The following KCNQ5 variants were observed in gnomAD, a reference collection of about 807,000 sequenced individuals.
The protein encoded by KCNQ5 is potassium voltage-gated channel subfamily Q member 5.
A neutral mutation model predicts 98.2 loss-of-function variants in KCNQ5; 30 were observed. The observed-to-expected ratio is 0.31, with a 90% CI of 0.23 to 0.41. The LOEUF is 0.41. Ranked by LOEUF, KCNQ5 falls within the 10% of genes least tolerant of loss-of-function variation. KCNQ5 has a pLI of 1.00. For synonymous variants in KCNQ5, 458 were observed against 449.4 expected (o/e 1.02, Z -0.24); for missense variants, 835 against 1,182.5 (o/e 0.71, Z 4.31).
intron 1 of KCNQ5, among the ~76,000 whole-genome samples, chr6:72,898,523 G>A (rs1184292198): frequency 6.6e-6 from 1 of 152,182 alleles, no homozygotes; most frequent in African/African-American, 2.4e-5. Context: ...TTTTATGGCT[G>A]CATAGTATTC....
intron 1 of KCNQ5, among the ~76,000 whole-genome samples, chr6:72,695,892 C>T (rs1038065144): frequency 1.3e-5 from 2 of 151,980 alleles, no homozygotes; most frequent in African/African-American, 4.8e-5. Context: ...AAGTCTCTGT[C>T]TCTAAAAAAT....
chr6:72,800,676 T>G (rs963899510), intron 1 of KCNQ5, among the ~76,000 whole-genome samples: 13 of 152,236 alleles, frequency 8.5e-5, no homozygotes, highest in African/African-American at 3.1e-4. Flanking sequence ...AGCTTTTGAA[T>G]GTGTTTGCTC....
intron 10 of KCNQ5, among the ~76,000 whole-genome samples, chr6:73,166,248 T>C (rs1172895504): frequency 6.6e-6 from 1 of 151,792 alleles, no homozygotes; most frequent in African/African-American, 2.4e-5. Context: ...CTGGCTAACA[T>C]GGTGAAACCC....
chr6:72,835,029 T>C (rs1776439968), intron 1 of KCNQ5, among the ~76,000 whole-genome samples: 1 of 152,160 alleles, frequency 6.6e-6, no homozygotes, highest in Admixed American at 6.5e-5. Context: ...ATTTCAAGTA[T>C]GTGAAACCCC....
intron 1 of KCNQ5, among the ~76,000 whole-genome samples, chr6:72,725,158 G>T (rs973728199): frequency 6.6e-6 from 1 of 152,018 alleles, no homozygotes; most frequent in East Asian, 1.9e-4. Context: ...AGAGAATTTG[G>T]TATCCTTTCA....
chr6:73,067,878 A>G (rs1773123635), intron 3 of KCNQ5, among the ~76,000 whole-genome samples: 1 of 964 alleles, frequency 1.0e-3, no homozygotes, highest in Admixed American at 0.015. Context: ...ATATATATAT[A>G]TATATATATA....
chr6:72,972,650 A>G (rs901950740), intron 1 of KCNQ5, among the ~76,000 whole-genome samples: 15 of 152,054 alleles, frequency 9.9e-5, no homozygotes, highest in Non-Finnish European at 1.5e-5. Context: ...AGCTTCATTC[A>G]TGTCCCTGCA....
intron 1 of KCNQ5, among the ~76,000 whole-genome samples, chr6:72,744,636 C>A (rs1258942702): frequency 6.6e-6 from 1 of 151,984 alleles, no homozygotes; most frequent in East Asian, 1.9e-4. Flanking sequence ...CATGGTGAAA[C>A]CTTGTCTCTA....
At chr6:72,658,977 T>G (rs931848088) in intron 1 of KCNQ5, among the ~76,000 whole-genome samples, 1 of 152,212 alleles carries the variant, frequency 6.6e-6, no homozygotes, top group African/African-American at 2.4e-5. Context: ...CTAAGCATAT[T>G]TAGAATCCAG....
At chr6:73,068,398 T>C (rs187613972) in intron 3 of KCNQ5, among the ~76,000 whole-genome samples, 19 of 152,298 alleles carry the variant, frequency 1.2e-4, no homozygotes, top group African/African-American at 4.3e-4. Context: ...TTTAGAAACA[T>C]TTTATCTCAC....
At chr6:72,721,523 C>T (rs1467311181) in intron 1 of KCNQ5, among the ~76,000 whole-genome samples, 1 of 152,050 alleles carries the variant, frequency 6.6e-6, no homozygotes, top group East Asian at 1.9e-4. Context: ...TGGTCTTGGA[C>T]TTAGACCACT....
chr6:72,814,188 G>T (rs955014288), intron 1 of KCNQ5, among the ~76,000 whole-genome samples: 3 of 152,212 alleles, frequency 2.0e-5, no homozygotes, highest in Non-Finnish European at 2.9e-5. Flanking sequence ...ACAAGGCGGT[G>T]GTCCTGTCCA....
chr6:72,698,636 TTTC>T (rs1554689810), intron 1 of KCNQ5, among the ~76,000 whole-genome samples: 71 of 121,146 alleles, frequency 5.9e-4, no homozygotes, highest in Non-Finnish European at 7.5e-4. Context: ...TCTGTGTTTT[TTTC>T]TTCTTCTTCT....
intron 10 of KCNQ5, among the ~76,000 whole-genome samples, chr6:73,166,260 G>A (rs1465954986): frequency 4.6e-5 from 7 of 151,798 alleles, no homozygotes; most frequent in African/African-American, 1.2e-4. Flanking sequence ...GTGAAACCCC[G>A]ACACTACTAA....
chr6:72,908,088 A>T (rs1779777596), intron 1 of KCNQ5, among the ~76,000 whole-genome samples: 1 of 152,088 alleles, frequency 6.6e-6, no homozygotes, highest in Non-Finnish European at 1.5e-5. Context: ...TTTTAGACAG[A>T]TCTCCTAAAT....
chr6:72,983,783 G>GT (rs1324125404), intron 1 of KCNQ5, among the ~76,000 whole-genome samples: 1 of 53,694 alleles, frequency 1.9e-5, no homozygotes, highest in Non-Finnish European at 7.3e-5. Flanking sequence ...CAGCTTTTCT[G>GT]TTCTTGTTTC....
intron 2 of KCNQ5, among the ~76,000 whole-genome samples, chr6:73,024,734 A>G (rs1168697896): frequency 6.6e-6 from 1 of 152,210 alleles, no homozygotes; most frequent in Non-Finnish European, 1.5e-5. Flanking sequence ...GACATTTCAG[A>G]TGAACAAAAA....
chr6:72,788,684 T>A lies in KCNQ5; in HGVS notation c.398+166097T>A, dbSNP rs115514645. ...ATTCTATAATTCTATATTAACCTTATAGTTTGATGCCATGGTACTAATAAT... is the reference window on the plus strand; with the variant it reads ...ATTCTATAATTCTATATTAACCTTAAAGTTTGATGCCATGGTACTAATAAT... On this transcript the variant is annotated intron_variant, in intron 1 of 13. Transcript: ENST00000370398. Among the ~76,000 whole-genome samples the A allele has an allele frequency of 2.4e-3, 371 of 152,340 alleles. 1 individual carries two copies. The highest frequency in any genetic ancestry group is 8.5e-3 in the African/African-American group (353 of 41,576).
intron 9 of KCNQ5, chr6:73,129,719 A>G: frequency 7.7e-7 from 1 of 1,305,290 alleles, no homozygotes; most frequent in South Asian, 1.3e-5. Flanking sequence ...CTTTGTTTTT[A>G]TAAAAGAATC....
Sources: allele counts gnomAD v4.1 joint callset (sites outside exome capture counted in the v4.1 genomes callset), GRCh38; gene constraint gnomAD v4.1.1; transcripts MANE v1.5; gene names NCBI Gene and HGNC (gene_info 2026-07-23, HGNC 2026-07-21).